Variants in MCFD2 observed in about 807,000 individuals in gnomAD.
MCFD2 encodes the protein multiple coagulation factor deficiency protein 2.
In MCFD2, 11 loss-of-function variants were observed where a neutral mutation model predicts 12.8. The ratio of observed to expected loss-of-function variants is 0.86; its 90% CI spans 0.54 to 1.42. The LOEUF is 1.42. Ranked by LOEUF, MCFD2 falls within the 40% of genes most tolerant of loss-of-function variation. The pLI is 0.00. For synonymous variants in MCFD2, 70 were observed against 68.1 expected, an observed-to-expected ratio of 1.03 and a Z score of -0.14; for missense variants, 191 against 178.6, an observed-to-expected ratio of 1.07 and a Z score of -0.40.
chr2:46,904,318 G>C lies in MCFD2; in HGVS notation c.*1145C>G, dbSNP rs937365077. 6.6e-6 allele frequency: 1 copy of C among 150,878 alleles called. No individual in the cohort carries two copies. The highest frequency in any genetic ancestry group is 1.4e-5 in the Non-Finnish European group (1 of 69,066). 9.3% of individuals were successfully genotyped at this position (150,878 alleles called of 1,614,324 possible). ...GTCCCTACTGGGGCACTGCCTAGTG[G>C]AGCTGTGAGAAGAGGGCCACCGTCC... On this transcript the variant is annotated 3_prime_UTR_variant, in exon 4 of 4. Coordinates refer to ENST00000319466, the MANE Select transcript of MCFD2 (RefSeq NM_139279.6).
chr2:46,905,808 G>A, intron 3 of MCFD2: 1 of 631,206 alleles, frequency 1.6e-6, no homozygotes, highest in Non-Finnish European at 2.9e-6. Context: ...GATATATAGA[G>A]AGAGAATATG....
rs1468272258 is a variant in MCFD2, at chr2:46,904,815, G to A, written c.*648C>T. The A allele has an allele frequency of 1.9e-5, 3 of 158,124 alleles. No homozygotes were observed. Among genetic ancestry groups the A allele is most frequent in the Admixed American group, 6.0e-5 (1 of 16,644 alleles). 9.8% of individuals were successfully genotyped at this position (158,124 alleles called of 1,614,324 possible). A position where few individuals can be genotyped will look rare whatever the true frequency, so the allele number is the denominator to read the frequency against. On this transcript the variant is annotated 3_prime_UTR_variant, in exon 4 of 4. Coordinates refer to ENST00000319466, the MANE Select transcript of MCFD2 (RefSeq NM_139279.6). ...AAGACTTTGGGGGACTGTTAGGAAG[G>A]CATGATTGGTTTTGAATAGTGAGGA...
intron 1 of MCFD2, among the ~76,000 whole-genome samples, chr2:46,925,852 G>C (rs757824812): frequency 1.9e-4 from 29 of 152,178 alleles, no homozygotes; most frequent in Non-Finnish European, 3.8e-4. Flanking sequence ...TATGTGTTCA[G>C]CATACCAGTT....
At chr2:46,915,806 G>GGGGGGGGGGGCCCC, upstream of MCFD2, 1 of 512,582 alleles carries the variant, frequency 2.0e-6, no homozygotes, top group Non-Finnish European at 2.1e-6. Context: ...CCTCGGCTTC[G>GGGGGGGGGGGCCCC]CCCCGCCCCC....
At chr2:46,911,909 A>G (rs1668502933) in intron 1 of MCFD2, among the ~76,000 whole-genome samples, 1 of 152,150 alleles carries the variant, frequency 6.6e-6, no homozygotes, top group East Asian at 1.9e-4. Context: ...TATGTATTCA[A>G]TGTAATCTAT....
intron 1 of MCFD2, among the ~76,000 whole-genome samples, chr2:46,934,957 C>T (rs890225163): frequency 3.3e-5 from 5 of 151,780 alleles, no homozygotes; most frequent in Admixed American, 6.6e-5. Flanking sequence ...CGCACCACCA[C>T]GTCCAGCTAA....
chr2:46,914,766 AT>A (rs1346076368), intron 1 of MCFD2, among the ~76,000 whole-genome samples: 1 of 152,250 alleles, frequency 6.6e-6, no homozygotes, highest in Non-Finnish European at 1.5e-5. Context: ...AAGAAGGATT[AT>A]TTCAACCAAA....
intron 1 of MCFD2, chr2:46,914,078 C>G (rs1668593827): frequency 6.6e-6 from 1 of 152,270 alleles, no homozygotes; most frequent in South Asian, 2.1e-4. Context: ...CCTTACTGAT[C>G]TCTGCTGAGC....
At chr2:46,906,291 G>C (rs1312738781) in intron 3 of MCFD2, among the ~76,000 whole-genome samples, 1 of 151,934 alleles carries the variant, frequency 6.6e-6, no homozygotes, top group Non-Finnish European at 1.5e-5. Flanking sequence ...CCACAACCAA[G>C]GATCTTCCCT....
intron 3 of MCFD2, 79 bp from the exon 4 acceptor site, chr2:46,905,673 G>GAAAGAACATGGATATT: frequency 6.1e-6 from 4 of 658,176 alleles, no homozygotes; most frequent in Non-Finnish European, 1.1e-5. Flanking sequence ...AAATATCCAT[G>GAAAGAACATGGATATT]TTCTTTCATG....
chr2:46,927,604 C>G (rs1669457881), intron 1 of MCFD2, among the ~76,000 whole-genome samples: 1 of 151,966 alleles, frequency 6.6e-6, no homozygotes, highest in Non-Finnish European at 1.5e-5. Context: ...TCGTGATCTG[C>G]TCTCCTCGGC....
intron 1 of MCFD2, among the ~76,000 whole-genome samples, chr2:46,911,024 C>T (rs1340930861): frequency 6.6e-6 from 1 of 152,108 alleles, no homozygotes; most frequent in Non-Finnish European, 1.5e-5. Flanking sequence ...CTGTCCTCCA[C>T]CACCAAAAAA....
chr2:46,906,096 C>T (rs1668221051), intron 3 of MCFD2: 3 of 444,586 alleles, frequency 6.7e-6, no homozygotes, highest in Admixed American at 5.1e-5. Context: ...AAGTATTTCC[C>T]ATGCTCCAAG....
intron 1 of MCFD2, among the ~76,000 whole-genome samples, chr2:46,909,925 G>C (rs1280646536): frequency 6.6e-6 from 1 of 152,186 alleles, no homozygotes; most frequent in African/African-American, 2.4e-5. Flanking sequence ...TGACTCATCT[G>C]GCAGCACAGT....
intron 1 of MCFD2, among the ~76,000 whole-genome samples, chr2:46,934,339 A>G (rs2103852542): frequency 6.6e-6 from 1 of 152,278 alleles, no homozygotes; most frequent in Admixed American, 6.5e-5. Context: ...GCTCACTGCA[A>G]CCTCTGCCTT....
At chr2:46,933,450 G>A (rs72886684) in intron 1 of MCFD2, among the ~76,000 whole-genome samples, 66 of 152,378 alleles carry the variant, frequency 4.3e-4, no homozygotes, top group African/African-American at 1.6e-3. Flanking sequence ...GCTTGCCTTT[G>A]TAGGACTTCA....
At chr2:46,918,439 C>G (rs1191316824), upstream of MCFD2, among the ~76,000 whole-genome samples, 1 of 152,220 alleles carries the variant, frequency 6.6e-6, no homozygotes, top group Non-Finnish European at 1.5e-5. Flanking sequence ...CGTCCTGCTT[C>G]CATTCTTGCC....
At position 46,922,365 on chromosome 2, in the gene MCFD2, C is replaced by T. The variant is rs191013573; in HGVS notation, c.-7-14396G>A. Among the ~76,000 whole-genome samples the T allele has an allele frequency of 3.9e-5, 6 of 152,212 alleles. No homozygotes were observed. In the East Asian group the frequency reaches 1.2e-3, roughly 29 times the overall value. ...CTTTGTCTATGGGAGTCCTATGTGG[C>T]CTGGGCTGAGGCTATGTTTCCTCAA... On this transcript the variant is annotated intron_variant, in intron 1 of 2. Coordinates refer to the MCFD2 transcript ENST00000409147.
At chr2:46,910,979 G>A (rs1159634061) in intron 1 of MCFD2, 1 of 152,214 alleles carries the variant, frequency 6.6e-6, no homozygotes, top group Admixed American at 6.5e-5. Context: ...GTTCAAGGCT[G>A]AAGTACACTC....
Sources: allele counts gnomAD v4.1 joint callset (sites outside exome capture counted in the v4.1 genomes callset), GRCh38; gene constraint gnomAD v4.1.1; transcripts MANE v1.5; gene names NCBI Gene and HGNC (gene_info 2026-07-23, HGNC 2026-07-21).